Variants in PDE10A observed in about 807,000 individuals in gnomAD.
PDE10A encodes phosphodiesterase 10A.
PDE10A carries 39 observed loss-of-function variants against 97.7 expected under a neutral mutation model. The observed-to-expected ratio is 0.40, with a 90% CI of 0.31 to 0.52. The LOEUF (loss-of-function observed/expected upper bound fraction) is 0.52, where lower values mean the gene tolerates loss of function less well. Among genes scored for constraint, PDE10A ranks in the 20% least tolerant of loss-of-function variants. The probability of loss-of-function intolerance (pLI) is 0.56; values close to 1 mark genes in which losing one functional copy is unlikely to be tolerated. For missense variants in PDE10A, 731 were observed against 1,047.8 expected (o/e 0.70, Z 4.17); for synonymous variants, 371 against 376.8 (o/e 0.98, Z 0.18).
chr6:165,445,081 CTG>C (rs1194999384), intron 5 of PDE10A, among the ~76,000 whole-genome samples: 2 of 152,088 alleles, frequency 1.3e-5, no homozygotes, highest in Admixed American at 6.5e-5. Flanking sequence ...GTAGACTATG[CTG>C]TCTTTCATGT....
At position 165,450,331 on chromosome 6, in the gene PDE10A, T is replaced by C; in HGVS notation, c.1055A>G (p.Tyr352Cys). The C allele has an allele frequency of 1.9e-6, 3 of 1,567,640 alleles. No homozygotes were observed. Among genetic ancestry groups the C allele is most frequent in the Non-Finnish European group, 2.6e-6 (3 of 1,142,832 alleles). ...TTGTTCTATATAGCTGTTTAGTTCA[T>C]ATACAACTCCCTGCATATTCGTATC... ...YQDTNMQGVV[Y>C]ELNSYIEQRL... Residue 352 changes from tyrosine to cysteine, a missense_variant, in exon 4 of 22, where the codon TAT (tyrosine) becomes TGT (cysteine). Tyr to Cys is a radical substitution (Grantham distance 194). This residue lies in a region of PDE10A where 152 missense variants were observed against 199.3 expected (regional missense o/e 0.76). Transcript: ENST00000539869.
chr6:165,857,673 C>G (rs1780779767), intron 1 of PDE10A, among the ~76,000 whole-genome samples: 1 of 150,766 alleles, frequency 6.6e-6, no homozygotes, highest in Admixed American at 6.6e-5. Flanking sequence ...CTGTTCTTGC[C>G]TTTGCAATGT....
chr6:165,483,737 C>T (rs1055296870), intron 2 of PDE10A, among the ~76,000 whole-genome samples: 5 of 152,166 alleles, frequency 3.3e-5, no homozygotes, highest in African/African-American at 1.2e-4. Context: ...CGCATAGAGT[C>T]ACCTAGCTAT....
Position 165,786,700 on chromosome 6 carries a change from C to A in PDE10A, c.-615+200829G>T, listed in dbSNP as rs1583087983. 2.6e-5 allele frequency among the ~76,000 whole-genome samples: 4 copies of A among 152,130 alleles called. No individual in the cohort carries two copies. In the East Asian group the frequency reaches 5.8e-4, roughly 22 times the overall value. Reference sequence around the variant, plus strand: ...GTCCTATGAAACTGATATCAGAGTTCTTGTTATCAGAAAAAAAGAGATGGA... The same window carrying A: ...GTCCTATGAAACTGATATCAGAGTTATTGTTATCAGAAAAAAAGAGATGGA... On this transcript the variant is annotated intron_variant, in intron 1 of 19. Coordinates refer to the PDE10A transcript ENST00000366882.
intron 4 of PDE10A, 58 bp downstream of exon 4, chr6:165,450,184 C>T: frequency 1.0e-5 from 13 of 1,272,832 alleles, no homozygotes; most frequent in Non-Finnish European, 1.3e-5. Flanking sequence ...GTTTTTGCTG[C>T]TTTTTGTAAA....
At chr6:165,921,667 G>A (rs572639615) in intron 1 of PDE10A, among the ~76,000 whole-genome samples, 8 of 152,314 alleles carry the variant, frequency 5.3e-5, no homozygotes, top group East Asian at 3.9e-4. Flanking sequence ...CCAAGCAAAG[G>A]GAGATCTTGT....
chr6:165,349,370 C>T (rs544696295), intron 18 of PDE10A, among the ~76,000 whole-genome samples: 29 of 150,524 alleles, frequency 1.9e-4, no homozygotes, highest in Non-Finnish European at 3.8e-4. Context: ...GTCACTCTTG[C>T]TATGCAAAGA....
At chr6:165,372,514 C>T (rs1784325981) in intron 18 of PDE10A, among the ~76,000 whole-genome samples, 1 of 133,048 alleles carries the variant, frequency 7.5e-6, no homozygotes, top group Non-Finnish European at 1.6e-5. Context: ...AGGAATCCAA[C>T]TTACAAGGGA....
intron 1 of PDE10A, among the ~76,000 whole-genome samples, chr6:165,833,339 CT>C (rs1779977770): frequency 6.6e-6 from 1 of 152,240 alleles, no homozygotes. Context: ...ACACATTTAT[CT>C]TCATTAAGTC....
chr6:165,558,467 C>T (rs376084701), intron 1 of PDE10A, among the ~76,000 whole-genome samples: 36 of 148,810 alleles, frequency 2.4e-4, no homozygotes, highest in African/African-American at 5.0e-4. Flanking sequence ...GGTTGGGGGA[C>T]GGGGGAGGGA....
Position 165,327,557 on chromosome 6 carries a change from C to T in PDE10A, c.*5468G>A, listed in dbSNP as rs906768798. The T allele has an allele frequency of 6.6e-6, 1 of 152,028 alleles. No homozygotes were observed. The highest frequency in any genetic ancestry group is 2.4e-5 in the African/African-American group (1 of 41,390). 9.4% of individuals were successfully genotyped at this position (152,028 alleles called of 1,614,324 possible). A position where few individuals can be genotyped will look rare whatever the true frequency, so the allele number is the denominator to read the frequency against. On this transcript the variant is annotated 3_prime_UTR_variant, in exon 22 of 22. Coordinates refer to ENST00000539869, the MANE Select transcript of PDE10A (RefSeq NM_001385079.1). Reference sequence around the variant, plus strand: ...AATAAATGATTACTGTTCTATTATACAAACATAACAGTAAATGTTTTTTAA... The same window carrying T: ...AATAAATGATTACTGTTCTATTATATAAACATAACAGTAAATGTTTTTTAA...
At chr6:165,970,273 C>T (rs1385097754) in intron 1 of PDE10A, among the ~76,000 whole-genome samples, 1 of 152,180 alleles carries the variant, frequency 6.6e-6, no homozygotes, top group Admixed American at 6.5e-5. Context: ...GATCTTTTTG[C>T]TATCAAAGAT....
Position 165,418,627 on chromosome 6 carries a change from A to C in PDE10A, c.1796+8T>G, listed in dbSNP as rs369640894. ...TAAGAGGATAGGACATTCTACTTCT[A>C]GCTGTACCTTATCTCTTTGGTCTTC... On this transcript the variant is annotated splice_region_variant and intron_variant, in intron 11 of 21. Coordinates refer to ENST00000539869, the MANE Select transcript of PDE10A (RefSeq NM_001385079.1). The surrounding 1 kb of genome is among the most constrained non-coding windows in gnomAD (Gnocchi z 4.8). 3.2e-5 allele frequency: 51 copies of C among 1,610,960 alleles called. No homozygotes were observed. The highest frequency in any genetic ancestry group is 4.2e-5 in the Non-Finnish European group (49 of 1,179,492).
At chr6:165,825,948 T>C (rs1459920463) in intron 1 of PDE10A, among the ~76,000 whole-genome samples, 1 of 152,134 alleles carries the variant, frequency 6.6e-6, no homozygotes, top group Non-Finnish European at 1.5e-5. Context: ...CCTAAAATAT[T>C]ACAGTCATAA....
In PDE10A at chr6:165,436,678, T is replaced by C. The variant is rs563700494; in HGVS notation, c.1195-1301A>G. 3.9e-5 allele frequency among the ~76,000 whole-genome samples: 6 copies of C among 152,296 alleles called. No individual in the cohort carries two copies. The South Asian group carries it at 1.2e-3, about 32-fold the overall frequency. ...AACTAAGCTATTTAATATGTTTAAA[T>C]AGAAAGTATACACTTATGGATTAAA... On this transcript the variant is annotated intron_variant, in intron 5 of 21. Transcript: ENST00000539869.
chr6:165,784,412 T>C (rs940513413), intron 1 of PDE10A, among the ~76,000 whole-genome samples: 1 of 152,098 alleles, frequency 6.6e-6, no homozygotes, highest in Admixed American at 6.5e-5. Context: ...TTAGCCCTCT[T>C]TCTACTAAGG....
At chr6:165,912,168 T>TTTTG (rs375774864) in intron 1 of PDE10A, among the ~76,000 whole-genome samples, 2 of 152,218 alleles carry the variant, frequency 1.3e-5, no homozygotes, top group African/African-American at 4.8e-5. Context: ...ACTCTCTCTC[T>TTTTG]CTATCATCTA....
At chr6:165,426,850 C>A (rs1315032095) in intron 10 of PDE10A, among the ~76,000 whole-genome samples, 1 of 152,088 alleles carries the variant, frequency 6.6e-6, no homozygotes, top group African/African-American at 2.4e-5. Context: ...AATATACATG[C>A]AGCCAATAAG....
intron 1 of PDE10A, among the ~76,000 whole-genome samples, chr6:165,748,024 C>A (rs570776980): frequency 6.6e-6 from 1 of 152,206 alleles, no homozygotes; most frequent in East Asian, 1.9e-4. Context: ...TGCTCACTGA[C>A]CCTCGGGGTA....
Sources: gnomAD v4.1 joint callset for allele counts (sites outside exome capture counted in the v4.1 genomes callset) on GRCh38, gnomAD v4.1.1 for gene constraint, gnomAD v4.1.1 regional missense constraint, Gnocchi (gnomAD v3.1) non-coding constraint, MANE v1.5 for transcripts, NCBI Gene and HGNC (gene_info 2026-07-23, HGNC 2026-07-21) for gene names.